The following FBXO4 variants were observed in gnomAD, a reference collection of about 807,000 sequenced individuals.
FBXO4 encodes F-box only protein 4.
Under a neutral mutation model 43.7 loss-of-function variants are expected in FBXO4, and 36 were observed. The observed-to-expected ratio is 0.82, with a 90% confidence interval of 0.63 to 1.09. The LOEUF is 1.09. FBXO4 is among the 50% of genes least tolerant of loss of function. FBXO4 has a pLI of 0.00. For missense variants in FBXO4, 435 were observed against 474.1 expected, an observed-to-expected ratio of 0.92 and a Z score of 0.77; for synonymous variants, 180 against 165.6, an observed-to-expected ratio of 1.09 and a Z score of -0.67.
chr5:42,016,503 C>T, the FBXO4 span, among the ~76,000 whole-genome samples: 6 of 151,924 alleles, frequency 3.9e-5, no homozygotes, highest in South Asian at 2.1e-4. Flanking sequence ...GGGTCCTTCT[C>T]GGCATAATTC....
the FBXO4 span, chr5:41,967,949 T>C: frequency 2.0e-6 from 1 of 507,746 alleles, no homozygotes; most frequent in Admixed American, 2.0e-5. Context: ...TGGCAGAGAC[T>C]TGCAGGAGTT....
chr5:42,030,385 G>T, the FBXO4 span, among the ~76,000 whole-genome samples: 2 of 151,986 alleles, frequency 1.3e-5, no homozygotes. Context: ...AAATGGTGCT[G>T]GGAAAACTGG....
At chr5:41,932,004 G>T (rs544399127) in intron 3 of FBXO4, among the ~76,000 whole-genome samples, 2 of 152,282 alleles carry the variant, frequency 1.3e-5, no homozygotes, top group East Asian at 1.9e-4. Flanking sequence ...AAGCATCTTT[G>T]CTACTTGAGA....
the FBXO4 span, among the ~76,000 whole-genome samples, chr5:41,953,048 A>C: frequency 6.6e-6 from 1 of 151,634 alleles, no homozygotes; most frequent in Non-Finnish European, 1.5e-5. Flanking sequence ...CACAATGTGC[A>C]GGTTAGTTAC....
chr5:42,004,536 A>G, the FBXO4 span, among the ~76,000 whole-genome samples: 1 of 152,202 alleles, frequency 6.6e-6, no homozygotes, highest in African/African-American at 2.4e-5. Context: ...CCATAGAATA[A>G]TACATGTAAG....
the FBXO4 span, among the ~76,000 whole-genome samples, chr5:42,011,237 G>A: frequency 5.9e-5 from 9 of 152,214 alleles, no homozygotes; most frequent in Non-Finnish European, 1.3e-4. Context: ...GCGGGGCCTA[G>A]TGGGAGGTGT....
chr5:41,938,937 G>T (rs1751923794), intron 5 of FBXO4, among the ~76,000 whole-genome samples: 1 of 146,784 alleles, frequency 6.8e-6, no homozygotes, highest in Admixed American at 6.7e-5. Flanking sequence ...GGTCTCACCT[G>T]ATTAGTCAGG....
the FBXO4 span, among the ~76,000 whole-genome samples, chr5:42,036,493 T>G: frequency 6.6e-6 from 1 of 152,248 alleles, no homozygotes; most frequent in East Asian, 1.9e-4. Flanking sequence ...GGTCGTTAGC[T>G]CTTGTCTTAG....
chr5:42,012,195 A>G, the FBXO4 span, among the ~76,000 whole-genome samples: 2 of 152,200 alleles, frequency 1.3e-5, no homozygotes, highest in Admixed American at 1.3e-4. Flanking sequence ...AGGATTATTC[A>G]TCATGGTGGC....
chr5:41,935,023 A>G, intron 5 of FBXO4: 2 of 985,226 alleles, frequency 2.0e-6, no homozygotes, highest in Non-Finnish European at 2.4e-6. Context: ...TAGGCATGAA[A>G]GCAGTTGCAA....
chr5:41,938,960 T>TG (rs1435821313), intron 5 of FBXO4, among the ~76,000 whole-genome samples: 1 of 152,230 alleles, frequency 6.6e-6, no homozygotes, highest in East Asian at 1.9e-4. Context: ...CAATGAAGAT[T>TG]ACCTGTCTTT....
At chr5:41,936,417 G>A (rs932470603) in intron 5 of FBXO4, among the ~76,000 whole-genome samples, 12 of 151,926 alleles carry the variant, frequency 7.9e-5, no homozygotes, top group African/African-American at 2.4e-4. Context: ...GCCTGTAGTC[G>A]CAACTACTTG....
At chr5:41,979,200 A>G in the FBXO4 span, among the ~76,000 whole-genome samples, 2 of 152,236 alleles carry the variant, frequency 1.3e-5, no homozygotes, top group Non-Finnish European at 2.9e-5. Context: ...TACTGTTGCC[A>G]TCCAGACAAC....
the FBXO4 span, among the ~76,000 whole-genome samples, chr5:42,015,858 G>T: frequency 3.9e-5 from 6 of 152,154 alleles, no homozygotes; most frequent in Non-Finnish European, 8.8e-5. Context: ...CATTTGGAAT[G>T]TAGTGGTCAT....
the FBXO4 span, among the ~76,000 whole-genome samples, chr5:41,972,001 C>A: frequency 4.1e-4 from 62 of 152,062 alleles, no homozygotes; most frequent in Admixed American, 1.2e-3. Flanking sequence ...CAGGCAAAAT[C>A]TGGAAGCATT....
chr5:42,020,270 G>C, the FBXO4 span, among the ~76,000 whole-genome samples: 1 of 152,022 alleles, frequency 6.6e-6, no homozygotes, highest in African/African-American at 2.4e-5. Flanking sequence ...TTCCTATTAA[G>C]GAGTAAAATG....
At chr5:41,999,485 A>G in the FBXO4 span, among the ~76,000 whole-genome samples, 38 of 98,894 alleles carry the variant, frequency 3.8e-4, no homozygotes, top group Non-Finnish European at 6.3e-4. Context: ...ATACACATAT[A>G]TATATATACA....
chr5:41,983,181 G>A, the FBXO4 span, among the ~76,000 whole-genome samples: 15 of 152,180 alleles, frequency 9.9e-5, no homozygotes, highest in East Asian at 1.9e-3. Flanking sequence ...ATAAACATAC[G>A]TGTGCATGTG....
chr5:41,999,938 C>T, the FBXO4 span, among the ~76,000 whole-genome samples: 1 of 152,054 alleles, frequency 6.6e-6, no homozygotes, highest in East Asian at 1.9e-4. Context: ...CAAGTTGGCA[C>T]TCACTATTAA....
Sources: gnomAD v4.1 joint callset for allele counts (sites outside exome capture counted in the v4.1 genomes callset) on GRCh38, gnomAD v4.1.1 for gene constraint, MANE v1.5 for transcripts, NCBI Gene and HGNC (gene_info 2026-07-23, HGNC 2026-07-21) for gene names.